Variants in COG6 observed in about 807,000 individuals in gnomAD.
The protein encoded by COG6 is component of oligomeric golgi complex 6.
A neutral mutation model predicts 88.8 loss-of-function variants in COG6; 74 were observed. That is an observed-to-expected ratio of 0.83 (90% CI 0.69 to 1.01). The LOEUF is 1.01. Among genes scored for constraint, COG6 ranks in the 50% least tolerant of loss-of-function variants. The probability of loss-of-function intolerance (pLI) is 0.00; values close to 1 mark genes in which losing one functional copy is unlikely to be tolerated. For missense variants in COG6, 800 were observed against 797.9 expected (o/e 1.00, Z -0.03); for synonymous variants, 286 against 278.7 (o/e 1.03, Z -0.26).
rs546731392 is a variant in COG6, at chr13:39,705,796, TG to T, written c.1284+6179del. On this transcript the variant is annotated intron_variant, in intron 13 of 18. Coordinates refer to ENST00000455146, the MANE Select transcript of COG6 (RefSeq NM_020751.3). The stretch of plus-strand genomic sequence containing the variant: ...GCATCATATGGGAACTTACTAGACA[TG>T]CAGATATCTCAGGTCCTGCTCCAGA... Among the ~76,000 whole-genome samples, 5 of 152,256 alleles carry T rather than the reference TG, an allele frequency of 3.3e-5. No individual in the cohort carries two copies. The South Asian group carries it at 1.0e-3, about 32-fold the overall frequency.
chr13:39,751,825 A>T lies in COG6; in HGVS notation c.*732A>T. ...TTCGATGGAACTCAAGGTGGAGCTC[A>T]GCCTTTCCAATGAGCTCTAAGCATG... On this transcript the variant is annotated 3_prime_UTR_variant, in exon 19 of 19. Transcript: ENST00000455146. 1 of 1,287,180 alleles carries T rather than the reference A, an allele frequency of 7.8e-7. No individual in the cohort carries two copies. Among genetic ancestry groups the T allele is most frequent in the Non-Finnish European group, 1.0e-6 (1 of 988,652 alleles). 79.7% of individuals were successfully genotyped at this position (1,287,180 alleles called of 1,614,324 possible). A position where few individuals can be genotyped will look rare whatever the true frequency, so the allele number is the denominator to read the frequency against.
intron 18 of COG6, among the ~76,000 whole-genome samples, chr13:39,766,705 C>T (rs556604662): frequency 6.6e-6 from 1 of 152,260 alleles, no homozygotes; most frequent in South Asian, 2.1e-4. Context: ...TGAATCAGCA[C>T]CCCCTCCCCA....
intron 4 of COG6, among the ~76,000 whole-genome samples, chr13:39,676,548 T>G (rs542470805): frequency 1.3e-5 from 2 of 152,194 alleles, no homozygotes; most frequent in East Asian, 3.9e-4. Flanking sequence ...GTAGGAGCAT[T>G]AGCATTCAAC....
chr13:39,755,277 G>A (rs1384773319), downstream of COG6, among the ~76,000 whole-genome samples: 1 of 152,172 alleles, frequency 6.6e-6, no homozygotes, highest in Non-Finnish European at 1.5e-5. Flanking sequence ...TAGTTCAGCA[G>A]TAGTGTTGAA....
chr13:39,684,130 G>C (rs541000126), intron 8 of COG6, among the ~76,000 whole-genome samples: 1 of 151,948 alleles, frequency 6.6e-6, no homozygotes, highest in Non-Finnish European at 1.5e-5. Context: ...AGGGCTACAT[G>C]GCAATCTGGG....
chr13:39,787,805 T>A (rs1329517176), intron 18 of COG6, among the ~76,000 whole-genome samples: 2 of 152,200 alleles, frequency 1.3e-5, no homozygotes, highest in African/African-American at 2.4e-5. Flanking sequence ...GTATTGTAAG[T>A]AATCTAGAGA....
chr13:39,681,613 G>A (rs1876320205), intron 7 of COG6, among the ~76,000 whole-genome samples: 1 of 152,148 alleles, frequency 6.6e-6, no homozygotes, highest in African/African-American at 2.4e-5. Flanking sequence ...TTTCTGAGAA[G>A]TTCTAAATTC....
At chr13:39,710,349 G>A (rs928860697) in intron 13 of COG6, among the ~76,000 whole-genome samples, 4 of 151,960 alleles carry the variant, frequency 2.6e-5, no homozygotes, top group Admixed American at 2.6e-4. Flanking sequence ...ATACCTTTAA[G>A]GCAGTTTGTT....
At chr13:39,727,423 AG>A (rs1879190421) in intron 17 of COG6, 45 bp from the exon 18 acceptor site, 4 of 1,367,866 alleles carry the variant, frequency 2.9e-6, no homozygotes, top group Non-Finnish European at 4.2e-6. Context: ...GTTGTTTGTT[AG>A]CACATATATG....
chr13:39,684,693 A>G (rs530393604), intron 8 of COG6, among the ~76,000 whole-genome samples: 4 of 152,214 alleles, frequency 2.6e-5, no homozygotes, highest in Non-Finnish European at 5.9e-5. Flanking sequence ...GTTTCCTTAC[A>G]TTTAGGGAAA....
At chr13:39,704,532 T>C (rs1163136371) in intron 13 of COG6, among the ~76,000 whole-genome samples, 2 of 152,170 alleles carry the variant, frequency 1.3e-5, no homozygotes, top group Admixed American at 6.6e-5. Flanking sequence ...TGTCTTCACA[T>C]TGAGTAGGCT....
At chr13:39,661,288 A>T (rs1874883523) in intron 3 of COG6, among the ~76,000 whole-genome samples, 1 of 152,216 alleles carries the variant, frequency 6.6e-6, no homozygotes, top group African/African-American at 2.4e-5. Flanking sequence ...GAAAATATGT[A>T]TACTTTTAGG....
intron 18 of COG6, among the ~76,000 whole-genome samples, chr13:39,747,728 A>G (rs1880416679): frequency 6.6e-6 from 1 of 152,168 alleles, no homozygotes; most frequent in Non-Finnish European, 1.5e-5. Context: ...TTTCAGCTGT[A>G]TTGTTAGTTA....
At position 39,768,167 on chromosome 13, in the gene COG6, C is replaced by A. The variant is rs138097283; in HGVS notation, c.1827-20168C>A. Among the ~76,000 whole-genome samples the A allele has an allele frequency of 2.0e-5, 3 of 152,332 alleles. No individual in the cohort carries two copies. The East Asian group carries it at 5.8e-4, about 29-fold the overall frequency. ...CTCACACACAATGAGATTTAGTAAC[C>A]CATTTTAATGAGGCAATTATATTTT... On this transcript the variant is annotated intron_variant, in intron 18 of 18. Coordinates refer to the COG6 transcript ENST00000416691.
chr13:39,693,056 C>T (rs1877072048), intron 11 of COG6, among the ~76,000 whole-genome samples: 2 of 151,856 alleles, frequency 1.3e-5, no homozygotes, highest in South Asian at 4.1e-4. Context: ...TTGGGTTTTG[C>T]TGAAAATGGT....
chr13:39,752,525 A>G lies in COG6; in HGVS notation c.*1432A>G, dbSNP rs956084094. The G allele has an allele frequency of 4.1e-6, 5 of 1,205,368 alleles. No individual in the cohort carries two copies. In the African/African-American group the frequency reaches 7.9e-5, roughly 19 times the overall value. The allele number at this position is 1,205,368 out of a possible 1,614,324, so 74.7% of individuals were successfully genotyped here. A position where few individuals can be genotyped will look rare whatever the true frequency, so the allele number is the denominator to read the frequency against. On this transcript the variant is annotated 3_prime_UTR_variant, in exon 19 of 19. Transcript: ENST00000455146. ...TAAATTGTATATAATTTATTTCTAC[A>G]GAGAAAGAAGATTGATACCTTGCTA...
intron 18 of COG6, among the ~76,000 whole-genome samples, chr13:39,739,177 T>C (rs1325060032): frequency 6.6e-6 from 1 of 152,100 alleles, no homozygotes; most frequent in Non-Finnish European, 1.5e-5. Flanking sequence ...TCAAACTAGA[T>C]GATTCTAGTT....
intron 18 of COG6, among the ~76,000 whole-genome samples, chr13:39,765,660 G>A (rs1332043635): frequency 6.6e-6 from 1 of 151,970 alleles, no homozygotes; most frequent in Non-Finnish European, 1.5e-5. Context: ...GTGGTTTCTT[G>A]AACAAAATAA....
intron 8 of COG6, among the ~76,000 whole-genome samples, chr13:39,686,673 T>G (rs560504457): frequency 6.6e-6 from 1 of 152,294 alleles, no homozygotes; most frequent in Non-Finnish European, 1.5e-5. Flanking sequence ...TGTGATAGTA[T>G]GTGTAAAGAA....
Sources: gnomAD v4.1 joint callset for allele counts (sites outside exome capture counted in the v4.1 genomes callset) on GRCh38, gnomAD v4.1.1 for gene constraint, MANE v1.5 for transcripts, NCBI Gene and HGNC (gene_info 2026-07-23, HGNC 2026-07-21) for gene names.